Variants in NCOA6 observed in about 807,000 individuals in gnomAD.
The protein encoded by NCOA6 is nuclear receptor coactivator 6.
A neutral mutation model predicts 171.4 loss-of-function variants in NCOA6; 49 were observed. The ratio of observed to expected loss-of-function variants is 0.29; its 90% CI spans 0.23 to 0.36. The LOEUF is 0.36. NCOA6 is among the 10% of genes least tolerant of loss of function. The probability of loss-of-function intolerance (pLI) is 1.00; values close to 1 mark genes in which losing one functional copy is unlikely to be tolerated. For missense variants in NCOA6, 2,248 were observed against 2,554.5 expected, an observed-to-expected ratio of 0.88 and a Z score of 2.59; for synonymous variants, 910 against 927.5, an observed-to-expected ratio of 0.98 and a Z score of 0.34.
At chr20:34,721,265 A>C (rs1349360799) in intron 14 of NCOA6, among the ~76,000 whole-genome samples, 6 of 142,438 alleles carry the variant, frequency 4.2e-5, no homozygotes, top group East Asian at 2.1e-4. Context: ...AAAAAAAAAA[A>C]AACAACCCGC....
At chr20:34,790,576 C>T (rs1473758126) in intron 2 of NCOA6, among the ~76,000 whole-genome samples, 2 of 152,060 alleles carry the variant, frequency 1.3e-5, no homozygotes, top group African/African-American at 4.8e-5. Flanking sequence ...AGGATGGTCT[C>T]GATCTCCTGA....
At chr20:34,823,492 T>C (rs1378718486) in intron 1 of NCOA6, among the ~76,000 whole-genome samples, 4 of 152,246 alleles carry the variant, frequency 2.6e-5, no homozygotes, top group African/African-American at 9.6e-5. Flanking sequence ...TCTTTGATTA[T>C]ATGGGGCCCT....
At chr20:34,786,471 T>C (rs1188012207) in intron 2 of NCOA6, among the ~76,000 whole-genome samples, 1 of 152,222 alleles carries the variant, frequency 6.6e-6, no homozygotes, top group African/African-American at 2.4e-5. Flanking sequence ...TCTAGCTTTT[T>C]GATGTGGGCA....
At position 34,746,832 on chromosome 20, in the gene NCOA6, C is replaced by T. The variant is rs764172556; in HGVS notation, c.2889G>A (p.Leu963=). The T allele has an allele frequency of 1.9e-5, 31 of 1,605,782 alleles. No homozygotes were observed. Among genetic ancestry groups the T allele is most frequent in the Non-Finnish European group, 2.5e-5 (29 of 1,175,348 alleles). Residue 963 remains leucine, a synonymous_variant, in exon 10 of 15, where the codon CTG becomes CTA. Coordinates refer to ENST00000359003, the MANE Select transcript of NCOA6 (RefSeq NM_014071.5). ...GINLDNSGPK[L]PEFSNRPPGY... ...CTGGTGGCCGGTTTGAAAATTCTGG[C>T]AGTTTAGGGCCTGAGTTATCCAAGT...
chr20:34,786,368 T>A (rs1339669854), intron 2 of NCOA6, among the ~76,000 whole-genome samples: 2 of 152,200 alleles, frequency 1.3e-5, no homozygotes, highest in Non-Finnish European at 2.9e-5. Context: ...CTATTCTTGG[T>A]TATTTCTTGA....
At chr20:34,737,987 C>G (rs1329111991) in intron 11 of NCOA6, among the ~76,000 whole-genome samples, 1 of 152,234 alleles carries the variant, frequency 6.6e-6, no homozygotes, top group East Asian at 1.9e-4. Context: ...CAACCTCCGC[C>G]TCCTGGGCTC....
chr20:34,759,282 C>T (rs1047910643), intron 5 of NCOA6, among the ~76,000 whole-genome samples: 1 of 152,160 alleles, frequency 6.6e-6, no homozygotes, highest in African/African-American at 2.4e-5. Flanking sequence ...TCAAGCGATC[C>T]TCCAGCCCAG....
chr20:34,736,683 G>A lies in NCOA6; in HGVS notation c.5962+7C>T, dbSNP rs377395520. 117 of 1,599,454 alleles carry A rather than the reference G, an allele frequency of 7.3e-5. No homozygotes were observed. The highest frequency in any genetic ancestry group is 4.7e-4 in the African/African-American group (35 of 74,214). On this transcript the variant is annotated splice_region_variant and intron_variant, in intron 12 of 14. Coordinates refer to ENST00000359003, the MANE Select transcript of NCOA6 (RefSeq NM_014071.5). ...ACTCCAAGAAGTTTTTCCAAAGTAC[G>A]CCTTACCTGGTCTGGCAACAGAGGC...
intron 14 of NCOA6, 106 bp downstream of exon 14, chr20:34,727,153 A>G: frequency 7.5e-7 from 1 of 1,329,332 alleles, no homozygotes; most frequent in Non-Finnish European, 1.0e-6. Context: ...CACTTGACAG[A>G]CTTCAGGAAC....
intron 3 of NCOA6, among the ~76,000 whole-genome samples, chr20:34,780,639 T>C (rs2077490483): frequency 6.6e-6 from 1 of 151,394 alleles, no homozygotes; most frequent in Admixed American, 6.6e-5. Context: ...CATGAGCCAC[T>C]GCGCCCACCT....
chr20:34,745,374 TAAG>T (rs1398757079), intron 10 of NCOA6, among the ~76,000 whole-genome samples: 1 of 152,182 alleles, frequency 6.6e-6, no homozygotes, highest in Non-Finnish European at 1.5e-5. Flanking sequence ...GGGATTCTTA[TAAG>T]AAGAGTTCAG....
At chr20:34,774,739 C>T (rs1012361317) in intron 4 of NCOA6, among the ~76,000 whole-genome samples, 3 of 152,166 alleles carry the variant, frequency 2.0e-5, no homozygotes, top group Admixed American at 1.3e-4. Flanking sequence ...AGAGCTCCCC[C>T]ACACATGGTA....
intron 14 of NCOA6, among the ~76,000 whole-genome samples, chr20:34,720,494 G>A (rs1414320384): frequency 6.6e-6 from 1 of 152,198 alleles, no homozygotes; most frequent in African/African-American, 2.4e-5. Flanking sequence ...CTCGGCTCTC[G>A]CAGCAGGAGC....
chr20:34,748,529 T>C (rs1378330879), intron 9 of NCOA6, among the ~76,000 whole-genome samples: 1 of 152,112 alleles, frequency 6.6e-6, no homozygotes, highest in African/African-American at 2.4e-5. Flanking sequence ...TTAGCCATTA[T>C]TTCCTCATTT....
Position 34,741,912 on chromosome 20 carries a change from T to C in NCOA6, c.4344A>G (p.Glu1448=). ...GATCTTCAGGGACAACCATTTTAAC[T>C]TCTTGGGCAGGGACTGCTTTTAGTT... ...NIELKAVPAQ[E]VKMVVPEDQS... is the part of the protein sequence containing the mutation. The change falls in exon 11 of 15, where the codon GAA becomes GAG. Residue 1448 remains glutamate, a synonymous_variant. Coordinates refer to ENST00000359003, the MANE Select transcript of NCOA6 (RefSeq NM_014071.5). 1 of 1,614,218 alleles carries C rather than the reference T, an allele frequency of 6.2e-7. No individual in the cohort carries two copies. Among genetic ancestry groups the C allele is most frequent in the Non-Finnish European group, 8.5e-7 (1 of 1,180,022 alleles).
intron 1 of NCOA6, among the ~76,000 whole-genome samples, chr20:34,808,995 C>T (rs539039371): frequency 6.6e-6 from 1 of 152,310 alleles, no homozygotes; most frequent in Non-Finnish European, 1.5e-5. Flanking sequence ...TATACACCTG[C>T]CCTTCTCTGA....
At chr20:34,780,551 T>C (rs568517318) in intron 3 of NCOA6, among the ~76,000 whole-genome samples, 2 of 152,262 alleles carry the variant, frequency 1.3e-5, no homozygotes, top group South Asian at 2.1e-4. Context: ...GGTTTCACCA[T>C]GTTGGCCGGG....
intron 2 of NCOA6, among the ~76,000 whole-genome samples, chr20:34,787,949 C>T (rs1288806769): frequency 3.3e-5 from 5 of 151,442 alleles, no homozygotes; most frequent in Non-Finnish European, 5.9e-5. Context: ...TCACAGCAAC[C>T]GCCGCCTTCC....
chr20:34,757,953 T>A lies in NCOA6; in HGVS notation c.795A>T (p.Gln265His). ...GCTGCTGCTGCTGCTGTTGTTGTTG[T>A]TGCTGCTGCTGCTGCAGCTGGGGAA... The part of the protein sequence containing the change: ...ANFPQLQQQQ[Q>H]QQQQQQQQQQ... Residue 265 changes from glutamine (Q) to histidine (H), a missense_variant, in exon 7 of 15, where the codon CAA becomes CAT. Physicochemically the swap from Gln to His is conservative, Grantham distance 24. Transcript: ENST00000359003. 1.2e-6 allele frequency: 2 copies of A among 1,613,434 alleles called. No homozygotes were observed. Among genetic ancestry groups the A allele is most frequent in the Non-Finnish European group, 1.7e-6 (2 of 1,179,552 alleles).
Sources: allele counts gnomAD v4.1 joint callset (sites outside exome capture counted in the v4.1 genomes callset), GRCh38; gene constraint gnomAD v4.1.1; transcripts MANE v1.5; gene names NCBI Gene and HGNC (gene_info 2026-07-23, HGNC 2026-07-21).